RNF181: variants seen among roughly 807,000 people sequenced by gnomAD.
RNF181 encodes E3 ubiquitin-protein ligase RNF181.
Under a neutral mutation model 23.3 loss-of-function variants are expected in RNF181, and 25 were observed. That is an observed-to-expected ratio of 1.07 (90% CI 0.78 to 1.50). The LOEUF is 1.50. Among genes scored for constraint, RNF181 ranks in the 40% most tolerant of loss-of-function variants. RNF181 has a pLI of 0.00. For missense variants in RNF181, 167 were observed against 191.1 expected (o/e 0.87, Z 0.74); for synonymous variants, 62 against 70.9 (o/e 0.87, Z 0.63).
At position 85,595,784 on chromosome 2, in the gene RNF181, A is replaced by G. The variant is rs1672659713; in HGVS notation, c.21A>G (p.Glu7=). 6.2e-7 allele frequency: 1 copy of G among 1,613,838 alleles called. No individual in the cohort carries two copies. The highest frequency in any genetic ancestry group is 1.1e-5 in the South Asian group (1 of 91,080). Residue 7 remains glutamate (E), a synonymous_variant, in exon 1 of 5, where the codon GAA becomes GAG. Transcript: ENST00000306368. ...CAGCCATGGCGTCCTATTTCGATGA[A>G]CACGACTGCGAGCCGTCGGACCCTG... MASYFD[E]HDCEPSDPEQ...
intron 1 of RNF181, 126 bp from the exon 2 acceptor site, chr2:85,596,393 A>G: frequency 1.1e-6 from 1 of 946,062 alleles, no homozygotes; most frequent in Non-Finnish European, 1.5e-6. Context: ...GTGAGCATCT[A>G]CTAACTACTA....
chr2:85,596,633 CA>C lies in RNF181; in HGVS notation c.202del (p.Arg68GlufsTer40). 1 of 1,613,858 alleles carries C rather than the reference CA, an allele frequency of 6.2e-7. No individual in the cohort carries two copies. The highest frequency in any genetic ancestry group is 8.5e-7 in the Non-Finnish European group (1 of 1,179,776). On this transcript the variant is annotated frameshift_variant, in exon 2 of 5. Coordinates refer to ENST00000306368, the MANE Select transcript of RNF181 (RefSeq NM_016494.4). LOFTEE classifies it high-confidence loss of function. ...VVENLPRTVI[R>X]GSQAELKCPV... ...TTGAGAACCTCCCCAGGACAGTCAT[CA>C]GAGGCTCTCAGGCTGGTGAGGACAC... is the stretch of plus-strand genomic sequence containing the variant.
intron 4 of RNF181, 109 bp downstream of exon 4, chr2:85,597,287 C>A: frequency 7.3e-7 from 1 of 1,369,286 alleles, no homozygotes; most frequent in Non-Finnish European, 1.0e-6. Flanking sequence ...GAATCCCTGG[C>A]TCTGGCTGTC....
chr2:85,597,372 A>G (rs1672697984), intron 4 of RNF181, 73 bp from the exon 5 acceptor site: 1 of 1,528,948 alleles, frequency 6.5e-7, no homozygotes, highest in Non-Finnish European at 8.8e-7. Flanking sequence ...AGCCAGCCCC[A>G]TAATAGCTGC....
At position 85,596,994 on chromosome 2, in the gene RNF181, T is replaced by G. The variant is rs773988750; in HGVS notation, c.327+63T>G. The G allele has an allele frequency of 2.5e-6, 4 of 1,614,062 alleles. No individual in the cohort carries two copies. In the East Asian group the frequency reaches 8.9e-5, roughly 36 times the overall value. ...GGCCCAGTACTCAAGCTTCTTTCTG[T>G]TCATGGACTGCTGGGGGATGGAAGA... On this transcript the variant is annotated intron_variant, in intron 3 of 4. Transcript: ENST00000306368.
intron 3 of RNF181, 39 bp from the exon 4 acceptor site, chr2:85,597,065 G>T: frequency 6.2e-7 from 1 of 1,614,196 alleles, no homozygotes; most frequent in Non-Finnish European, 8.5e-7. Context: ...AGCTTATGAA[G>T]ATCAGACCAA....
At chr2:85,596,750 G>A in intron 2 of RNF181, 72 bp from the exon 3 acceptor site, 3 of 1,610,676 alleles carry the variant, frequency 1.9e-6, no homozygotes, top group South Asian at 1.1e-5. Context: ...GTGGGGGCAA[G>A]TGTCCTTCAG....
Position 85,597,608 on chromosome 2 carries a change from G to C in RNF181, c.*104G>C, listed in dbSNP as rs1672704925. The C allele has an allele frequency of 6.5e-7, 1 of 1,528,654 alleles. No homozygotes were observed. Among genetic ancestry groups the C allele is most frequent in the South Asian group, 1.3e-5 (1 of 78,954 alleles). The allele number at this position is 1,528,654 out of a possible 1,614,324, so 94.7% of individuals were successfully genotyped here. The stretch of plus-strand genomic sequence containing the variant: ...CTGAGGCTGTATTGATCACAGACCT[G>C]GCCAGGGGCTCTGCATCCTCCATCA... On this transcript the variant is annotated 3_prime_UTR_variant, in exon 5 of 5. Transcript: ENST00000306368.
chr2:85,597,399 A>G, intron 4 of RNF181, 46 bp from the exon 5 acceptor site: 1 of 1,577,358 alleles, frequency 6.3e-7, no homozygotes, highest in Non-Finnish European at 8.6e-7. Context: ...CCTCACCCAT[A>G]GGCCTTCAGT....
In RNF181 at chr2:85,596,493, T is replaced by C. The variant is rs1296861572; in HGVS notation, c.87-26T>C. ...AAAGAAAAAGCATAGTTTTCCTTTGTTCTGACTTTACATCCCCTTCCCCAG... is the reference window on the plus strand; with the variant it reads ...AAAGAAAAAGCATAGTTTTCCTTTGCTCTGACTTTACATCCCCTTCCCCAG... On this transcript the variant is annotated intron_variant, in intron 1 of 4. Coordinates refer to ENST00000306368, the MANE Select transcript of RNF181 (RefSeq NM_016494.4). 3.2e-6 allele frequency: 5 copies of C among 1,573,154 alleles called. No individual in the cohort carries two copies. The South Asian group carries it at 5.9e-5, about 18-fold the overall frequency.
In RNF181 at chr2:85,596,811, C is replaced by T; in HGVS notation, c.218-11C>T. ...TGTAGCAGCTCTCCTGATCAGCACT[C>T]CTTCCTAAAGAGCTCAAGTGCCCCG... On this transcript the variant is annotated splice_polypyrimidine_tract_variant and intron_variant, in intron 2 of 4. Coordinates refer to ENST00000306368, the MANE Select transcript of RNF181 (RefSeq NM_016494.4). The T allele has an allele frequency of 6.2e-7, 1 of 1,613,266 alleles. No homozygotes were observed. Among genetic ancestry groups the T allele is most frequent in the Non-Finnish European group, 8.5e-7 (1 of 1,179,534 alleles).
At position 85,596,518 on chromosome 2, in the gene RNF181, G is replaced by C; in HGVS notation, c.87-1G>C. On this transcript the variant is annotated splice_acceptor_variant, in intron 1 of 4. Coordinates refer to ENST00000306368, the MANE Select transcript of RNF181 (RefSeq NM_016494.4). LOFTEE classifies it high-confidence loss of function. ...TTCTGACTTTACATCCCCTTCCCCAGGTCACTTTTCAATAGGATGGACTTT... is the reference window on the plus strand; with the variant it reads ...TTCTGACTTTACATCCCCTTCCCCACGTCACTTTTCAATAGGATGGACTTT... 1 of 1,600,372 alleles carries C rather than the reference G, an allele frequency of 6.2e-7. No individual in the cohort carries two copies.
chr2:85,597,544 A>G lies in RNF181; in HGVS notation c.*40A>G, dbSNP rs1672703026. 6.2e-7 allele frequency: 1 copy of G among 1,612,410 alleles called. No individual in the cohort carries two copies. Among genetic ancestry groups the G allele is most frequent in the Admixed American group, 1.7e-5 (1 of 59,538 alleles). On this transcript the variant is annotated 3_prime_UTR_variant, in exon 5 of 5. Transcript: ENST00000306368. ...AGTGCTGGCCCTCTGCGTCTTCCTTATTAACCTTGAATCCTCATTAAAGGT... is the reference window on the plus strand; with the variant it reads ...AGTGCTGGCCCTCTGCGTCTTCCTTGTTAACCTTGAATCCTCATTAAAGGT...
At chr2:85,596,709 T>G in intron 2 of RNF181, 60 bp downstream of exon 2, 1 of 1,612,360 alleles carries the variant, frequency 6.2e-7, no homozygotes, top group Non-Finnish European at 8.5e-7. Flanking sequence ...CAAGCCAGAC[T>G]GTGGTCTGGT....
chr2:85,597,684 G>T lies in RNF181; in HGVS notation c.*180G>T, dbSNP rs1417473102. On this transcript the variant is annotated 3_prime_UTR_variant, in exon 5 of 5. Coordinates refer to ENST00000306368, the MANE Select transcript of RNF181 (RefSeq NM_016494.4). ...GATCCTAAATCGCAGAAGGCACCAG[G>T]CTGCGGTTTTCCTCCCTGCTGGCCC... The T allele has an allele frequency of 4.7e-6, 6 of 1,266,572 alleles. No homozygotes were observed. The Admixed American group carries it at 1.3e-4, about 27-fold the overall frequency. 78.5% of individuals were successfully genotyped at this position (1,266,572 alleles called of 1,614,324 possible). A position where few individuals can be genotyped will look rare whatever the true frequency, so the allele number is the denominator to read the frequency against.
Position 85,596,905 on chromosome 2 carries a change from A to G in RNF181, c.301A>G (p.Ser101Gly). 6.2e-7 allele frequency: 1 copy of G among 1,614,196 alleles called. No individual in the cohort carries two copies. Among genetic ancestry groups the G allele is most frequent in the African/African-American group, 1.3e-5 (1 of 75,028 alleles). ...GCCTTGCCATCACCTTTTCCATTCC[A>G]GCTGCATTCTGCCCTGGCTAAGCAA... ...EMPCHHLFHS[S>G]CILPWLSKTN... The change falls in exon 3 of 5, where the codon AGC (serine) becomes GGC (glycine). Residue 101 changes from serine to glycine, a missense_variant. Coordinates refer to ENST00000306368, the MANE Select transcript of RNF181 (RefSeq NM_016494.4).
rs1672704866 is a variant in RNF181, at chr2:85,597,605, C to A, written c.*101C>A. The A allele has an allele frequency of 1.3e-6, 2 of 1,541,774 alleles. No homozygotes were observed. Among genetic ancestry groups the A allele is most frequent in the African/African-American group, 1.4e-5 (1 of 72,424 alleles). On this transcript the variant is annotated 3_prime_UTR_variant, in exon 5 of 5. Transcript: ENST00000306368. ...ACCCTGAGGCTGTATTGATCACAGA[C>A]CTGGCCAGGGGCTCTGCATCCTCCA...
At chr2:85,596,384 T>C (rs1250840113) in intron 1 of RNF181, 135 bp from the exon 2 acceptor site, 3 of 865,954 alleles carry the variant, frequency 3.5e-6, no homozygotes, top group Non-Finnish European at 5.2e-6. Context: ...TTTTATCTAG[T>C]GAGCATCTAC....
At chr2:85,596,461 T>G (rs1672673027) in intron 1 of RNF181, 58 bp from the exon 2 acceptor site, 1 of 1,532,286 alleles carries the variant, frequency 6.5e-7, no homozygotes, top group Non-Finnish European at 8.8e-7. Flanking sequence ...CAGTGGATTA[T>G]GGGGACAAAG....
Sources: allele counts gnomAD v4.1 joint callset, GRCh38; gene constraint gnomAD v4.1.1; transcripts MANE v1.5; gene names NCBI Gene and HGNC (gene_info 2026-07-23, HGNC 2026-07-21).